Variants in ZNF177 observed in about 807,000 individuals in gnomAD.
ZNF177 encodes zinc finger protein 177.
Under a neutral mutation model 19.4 loss-of-function variants are expected in ZNF177, and 17 were observed. The ratio of observed to expected loss-of-function variants is 0.87; its 90% confidence interval spans 0.60 to 1.31. The LOEUF is 1.31. Ranked by LOEUF, ZNF177 falls within the 40% of genes most tolerant of loss-of-function variation. The pLI is 0.00. For missense variants in ZNF177, 633 were observed against 561.8 expected (o/e 1.13, Z -1.28); for synonymous variants, 220 against 188.7 (o/e 1.17, Z -1.36).
chr19:9,372,432 T>TAA (rs1400643717), upstream of ZNF177, among the ~76,000 whole-genome samples: 1 of 152,046 alleles, frequency 6.6e-6, no homozygotes, highest in Non-Finnish European at 1.5e-5. Flanking sequence ...TAGAGTGCTA[T>TAA]AAAGCCACTA....
At chr19:9,380,108 C>T (rs888047360) in exon 5 of ZNF177, 8 of 1,611,512 alleles carry the variant, frequency 5.0e-6, no homozygotes, top group Non-Finnish European at 5.9e-6. Flanking sequence ...CAGAACATTC[C>T]TGGGGGAAAA....
At chr19:9,381,112 C>T (rs1461940106) in exon 6 of ZNF177, 3 of 1,613,502 alleles carry the variant, frequency 1.9e-6, no homozygotes, top group South Asian at 1.1e-5. Flanking sequence ...ATGTAATGAA[C>T]ATGAGAAAAC....
upstream of ZNF177, among the ~76,000 whole-genome samples, chr19:9,372,923 A>T (rs1036520168): frequency 1.3e-5 from 2 of 152,134 alleles, no homozygotes; most frequent in Admixed American, 6.6e-5. Flanking sequence ...ATATATGTTT[A>T]AGGTGTACAA....
intron 5 of ZNF177, chr19:9,380,462 G>A: frequency 2.0e-6 from 2 of 988,160 alleles, no homozygotes; most frequent in South Asian, 3.5e-5. Context: ...TTGCTGGGAA[G>A]GAATAGAGCC....
intron 2 of ZNF177, among the ~76,000 whole-genome samples, chr19:9,369,518 T>C (rs2068021361): frequency 1.3e-5 from 2 of 152,120 alleles, no homozygotes; most frequent in Non-Finnish European, 2.9e-5. Context: ...TGAAATAACA[T>C]AGAGCTAGTT....
chr19:9,378,197 A>G, intron 1 of ZNF177, 62 bp from the exon 4 acceptor site: 1 of 1,440,358 alleles, frequency 6.9e-7, no homozygotes, highest in South Asian at 1.5e-5. Flanking sequence ...GAAGCTTCCC[A>G]GCCTGCTAGT....
upstream of ZNF177, among the ~76,000 whole-genome samples, chr19:9,375,788 C>G (rs1268611128): frequency 5.9e-5 from 9 of 152,080 alleles, no homozygotes; most frequent in Admixed American, 5.9e-4. Flanking sequence ...TTTCATCGAT[C>G]TTTTCTATTG....
At chr19:9,379,923 T>G in intron 4 of ZNF177, 134 bp from the exon 7 acceptor site, 1 of 1,067,650 alleles carries the variant, frequency 9.4e-7, no homozygotes, top group African/African-American at 1.6e-5. Flanking sequence ...GGTGAATCAC[T>G]GGTTGTGTCT....
At chr19:9,381,771 T>G (rs777647175) in exon 6 of ZNF177, 1 of 1,593,788 alleles carries the variant, frequency 6.3e-7, no homozygotes, top group Non-Finnish European at 8.5e-7. Flanking sequence ...AGAAACTCCA[T>G]GAATGAAATG....
intron 5 of ZNF177, 42 bp downstream of exon 7, chr19:9,380,181 G>A (rs1272561493): frequency 6.4e-7 from 1 of 1,566,594 alleles, no homozygotes; most frequent in Non-Finnish European, 8.6e-7. Context: ...TGTAGTAGAA[G>A]TCTGGGAATC....
upstream of ZNF177, among the ~76,000 whole-genome samples, chr19:9,374,906 A>G (rs1473848846): frequency 6.6e-6 from 1 of 152,182 alleles, no homozygotes; most frequent in Non-Finnish European, 1.5e-5. Context: ...GAGGATGGGC[A>G]TCTTTGCCTT....
intron 5 of ZNF177, among the ~76,000 whole-genome samples, chr19:9,380,370 ATATGATTTTAGAGT>A (rs2068176606): frequency 6.6e-6 from 1 of 152,188 alleles, no homozygotes; most frequent in African/African-American, 2.4e-5. Flanking sequence ...ATCTATGTAA[ATATGATTTTAGAGT>A]TAAGTATTTA....
chr19:9,373,557 C>T (rs371315988), upstream of ZNF177, among the ~76,000 whole-genome samples: 16 of 152,152 alleles, frequency 1.1e-4, no homozygotes, highest in East Asian at 3.1e-3. Flanking sequence ...CCAATTTTCA[C>T]TTCTAACAAC....
chr19:9,382,328 C>A, downstream of ZNF177: 1 of 399,080 alleles, frequency 2.5e-6, no homozygotes, highest in South Asian at 1.3e-4. Flanking sequence ...ATGGGAATAT[C>A]TCATCTGGTG....
chr19:9,367,624 T>G (rs1286849850), intron 2 of ZNF177, among the ~76,000 whole-genome samples: 1 of 152,250 alleles, frequency 6.6e-6, no homozygotes, highest in African/African-American at 2.4e-5. Context: ...TTGCCTATAA[T>G]TTTGTTTACT....
chr19:9,375,151 G>A (rs566852651), upstream of ZNF177, among the ~76,000 whole-genome samples: 3 of 152,042 alleles, frequency 2.0e-5, no homozygotes, highest in South Asian at 2.1e-4. Context: ...TTGATTTTGC[G>A]TATCTTGAAC....
intron 1 of ZNF177, among the ~76,000 whole-genome samples, chr19:9,377,523 A>C (rs1337536793): frequency 2.0e-5 from 3 of 152,278 alleles, no homozygotes; most frequent in Non-Finnish European, 4.4e-5. Context: ...TCAGACAGTG[A>C]TACTCAAGAT....
chr19:9,380,250 CACCA>C, intron 5 of ZNF177, 111 bp downstream of exon 7: 4 of 1,279,214 alleles, frequency 3.1e-6, no homozygotes, highest in Non-Finnish European at 3.1e-6. Context: ...ACCAGGCTTT[CACCA>C]GAAAGCTGTC....
intron 2 of ZNF177, among the ~76,000 whole-genome samples, chr19:9,366,707 G>A (rs2067985139): frequency 6.6e-6 from 1 of 152,172 alleles, no homozygotes; most frequent in Non-Finnish European, 1.5e-5. Flanking sequence ...TATATACCTA[G>A]GAGTGGAATG....
Sources: gnomAD v4.1 joint callset for allele counts (sites outside exome capture counted in the v4.1 genomes callset) on GRCh38, gnomAD v4.1.1 for gene constraint, MANE v1.5 for transcripts, NCBI Gene and HGNC (gene_info 2026-07-23, HGNC 2026-07-21) for gene names.